TMEM131L: variants seen among roughly 807,000 people sequenced by gnomAD.
TMEM131L encodes the protein transmembrane protein 131-like.
A neutral mutation model predicts 192.2 loss-of-function variants in TMEM131L; 54 were observed. That is an observed-to-expected ratio of 0.28 (90% confidence interval 0.23 to 0.35). The LOEUF (loss-of-function observed/expected upper bound fraction) is 0.35, where lower values mean the gene tolerates loss of function less well. Ranked by LOEUF, TMEM131L falls within the 10% of genes least tolerant of loss-of-function variation. The probability of loss-of-function intolerance (pLI) is 1.00; values close to 1 mark genes in which losing one functional copy is unlikely to be tolerated. For missense variants in TMEM131L, 1,888 were observed against 1,972.9 expected (o/e 0.96, Z 0.82); for synonymous variants, 701 against 704.9 (o/e 0.99, Z 0.09).
At chr4:153,483,072 G>T (rs1286892050) in intron 3 of TMEM131L, among the ~76,000 whole-genome samples, 3 of 151,976 alleles carry the variant, frequency 2.0e-5, no homozygotes, top group African/African-American at 4.8e-5. Flanking sequence ...GGTTAGTCTA[G>T]AATAAAAATA....
At chr4:153,585,037 C>G in intron 12 of TMEM131L, 106 bp downstream of exon 12, 1 of 895,532 alleles carries the variant, frequency 1.1e-6, no homozygotes, top group Non-Finnish European at 1.8e-6. Context: ...GATTCTCTCT[C>G]TCACTGGCCT....
rs146697486 is a variant in TMEM131L, at chr4:153,619,650, T to A, written c.3568-1106T>A. Reference sequence around the variant, plus strand: ...TGCTTTAATAGATGCATAAGGGTTCTAATATCTCAGACATAGAACTTGTAG... The same window carrying A: ...TGCTTTAATAGATGCATAAGGGTTCAAATATCTCAGACATAGAACTTGTAG... On this transcript the variant is annotated intron_variant, in intron 26 of 34. Coordinates refer to ENST00000409959, the MANE Select transcript of TMEM131L (RefSeq NM_001131007.2). Among the ~76,000 whole-genome samples, 202 of 152,372 alleles carry A rather than the reference T, an allele frequency of 1.3e-3. 1 individual carries two copies. The highest frequency in any genetic ancestry group is 4.6e-3 in the African/African-American group (192 of 41,586).
chr4:153,479,591 C>T (rs570589134), intron 3 of TMEM131L, among the ~76,000 whole-genome samples: 11 of 151,848 alleles, frequency 7.2e-5, no homozygotes, highest in African/African-American at 2.2e-4. Flanking sequence ...TTTTAAAATG[C>T]GTACAAAAAT....
intron 7 of TMEM131L, among the ~76,000 whole-genome samples, chr4:153,561,188 G>C (rs1402136506): frequency 1.3e-5 from 2 of 152,122 alleles, no homozygotes; most frequent in African/African-American, 4.8e-5. Flanking sequence ...ATCGTCTTTG[G>C]GGAAGTGGTT....
At chr4:153,520,291 C>T (rs1477381465) in intron 3 of TMEM131L, among the ~76,000 whole-genome samples, 4 of 151,450 alleles carry the variant, frequency 2.6e-5, no homozygotes, top group East Asian at 1.9e-4. Flanking sequence ...CCCACCTCTG[C>T]GTTAAAAAAG....
At chr4:153,614,501 G>T (rs1170196741) in intron 26 of TMEM131L, among the ~76,000 whole-genome samples, 2 of 152,152 alleles carry the variant, frequency 1.3e-5, no homozygotes, top group African/African-American at 2.4e-5. Flanking sequence ...GGGAGCTATT[G>T]AAGGTTTCTG....
At chr4:153,559,378 G>A (rs1561192131) in intron 7 of TMEM131L, among the ~76,000 whole-genome samples, 1 of 152,140 alleles carries the variant, frequency 6.6e-6, no homozygotes. Flanking sequence ...CCTAAAACCA[G>A]GGGGCATGTG....
chr4:153,596,227 G>C, intron 19 of TMEM131L, 31 bp from the exon 20 acceptor site: 2 of 1,611,570 alleles, frequency 1.2e-6, no homozygotes, highest in South Asian at 2.2e-5. Context: ...CTTTCTAGGA[G>C]TATGACATGG....
At chr4:153,513,811 A>G (rs1734524212) in intron 3 of TMEM131L, among the ~76,000 whole-genome samples, 1 of 152,222 alleles carries the variant, frequency 6.6e-6, no homozygotes, top group Non-Finnish European at 1.5e-5. Context: ...TCACCTCTTT[A>G]TGACCCTCTC....
At chr4:153,516,489 C>T (rs1463177270) in intron 3 of TMEM131L, among the ~76,000 whole-genome samples, 1 of 152,172 alleles carries the variant, frequency 6.6e-6, no homozygotes, top group Non-Finnish European at 1.5e-5. Context: ...CTCAGCCTCC[C>T]AAAGTGCTGG....
chr4:153,535,847 A>AT (rs1258669605), intron 3 of TMEM131L, among the ~76,000 whole-genome samples: 1 of 151,696 alleles, frequency 6.6e-6, no homozygotes, highest in Admixed American at 6.6e-5. Flanking sequence ...TCCTTTGTAT[A>AT]TTTTTTTTAG....
chr4:153,614,244 GTCGGAAGGCCA>G (rs918490094), intron 26 of TMEM131L, among the ~76,000 whole-genome samples: 6 of 152,214 alleles, frequency 3.9e-5, no homozygotes, highest in Non-Finnish European at 7.3e-5. Context: ...GTCCTCCTAG[GTCGGAAGGCCA>G]TTGAATGCTG....
At chr4:153,526,601 G>A (rs1448287009) in intron 3 of TMEM131L, among the ~76,000 whole-genome samples, 1 of 152,070 alleles carries the variant, frequency 6.6e-6, no homozygotes, top group Admixed American at 6.5e-5. Context: ...AGCCGGGCGT[G>A]GTGGCGGGCA....
At chr4:153,529,116 A>G (rs1735709737) in intron 3 of TMEM131L, among the ~76,000 whole-genome samples, 1 of 152,090 alleles carries the variant, frequency 6.6e-6, no homozygotes, top group Admixed American at 6.5e-5. Context: ...TTTTGTGATT[A>G]ATTTTATCTC....
At chr4:153,528,159 A>G (rs574886060) in intron 3 of TMEM131L, among the ~76,000 whole-genome samples, 1 of 152,334 alleles carries the variant, frequency 6.6e-6, no homozygotes, top group Non-Finnish European at 1.5e-5. Flanking sequence ...AGGTTTTGGC[A>G]TAATATAAAA....
At position 153,588,846 on chromosome 4, in the gene TMEM131L, A is replaced by C. The variant is rs1352521125; in HGVS notation, c.1553-44A>C. 6.8e-6 allele frequency: 7 copies of C among 1,026,544 alleles called. No individual in the cohort carries two copies. In the African/African-American group the frequency reaches 9.6e-5, roughly 14 times the overall value. 63.6% of individuals were successfully genotyped at this position (1,026,544 alleles called of 1,614,324 possible). On this transcript the variant is annotated intron_variant, in intron 15 of 34. Coordinates refer to ENST00000409959, the MANE Select transcript of TMEM131L (RefSeq NM_001131007.2). Reference sequence around the variant, plus strand: ...CTTGGCATTATTTACTAATTGAATTATGTTTTCTGTAAATCTAAATATGGA... The same window carrying C: ...CTTGGCATTATTTACTAATTGAATTCTGTTTTCTGTAAATCTAAATATGGA...
intron 3 of TMEM131L, among the ~76,000 whole-genome samples, chr4:153,515,808 T>C (rs891441012): frequency 6.6e-6 from 1 of 152,230 alleles, no homozygotes; most frequent in Non-Finnish European, 1.5e-5. Context: ...GTGGTATCAT[T>C]GTTTTGATTT....
At chr4:153,501,422 G>A (rs1393069249) in intron 3 of TMEM131L, among the ~76,000 whole-genome samples, 1 of 151,988 alleles carries the variant, frequency 6.6e-6, no homozygotes, top group Non-Finnish European at 1.5e-5. Context: ...GGATGGTCTC[G>A]ATCGCTTGAC....
At position 153,473,982 on chromosome 4, in the gene TMEM131L, A is replaced by T. The variant is rs1731346937; in HGVS notation, c.239+94A>T. The T allele has an allele frequency of 3.6e-5, 27 of 752,466 alleles. No individual in the cohort carries two copies. The South Asian group carries it at 4.9e-4, about 14-fold the overall frequency. The allele number at this position is 752,466 out of a possible 1,614,324, so 46.6% of individuals were successfully genotyped here. A position where few individuals can be genotyped will look rare whatever the true frequency, so the allele number is the denominator to read the frequency against. ...TCTCAGTATATGTCCATGTTTATGT[A>T]TTTAGTAGTATCTGTAATACACCTT... On this transcript the variant is annotated intron_variant, in intron 3 of 34. Coordinates refer to ENST00000409959, the MANE Select transcript of TMEM131L (RefSeq NM_001131007.2).
Sources: allele counts gnomAD v4.1 joint callset (sites outside exome capture counted in the v4.1 genomes callset), GRCh38; gene constraint gnomAD v4.1.1; transcripts MANE v1.5; gene names NCBI Gene and HGNC (gene_info 2026-07-23, HGNC 2026-07-21).